Variants in LRRC3B observed in about 807,000 individuals in gnomAD.
LRRC3B encodes the protein leucine rich repeat containing 3B, also known as leucine-rich repeat-containing protein 3B.
Under a neutral mutation model 12.8 loss-of-function variants are expected in LRRC3B, and 2 were observed. The observed-to-expected ratio is 0.16, with a 90% CI of 0.06 to 0.49. The LOEUF is 0.49. LRRC3B is among the 20% of genes least tolerant of loss of function. The pLI is 0.96. For synonymous variants in LRRC3B, 132 were observed against 122.0 expected, an observed-to-expected ratio of 1.08 and a Z score of -0.54; for missense variants, 189 against 319.4, an observed-to-expected ratio of 0.59 and a Z score of 3.11.
chr3:26,655,272 C>T (rs1699350324), intron 1 of LRRC3B, among the ~76,000 whole-genome samples: 1 of 152,218 alleles, frequency 6.6e-6, no homozygotes, highest in African/African-American at 2.4e-5. Context: ...AAGAAATAAG[C>T]CTATAGTCAT....
chr3:26,671,054 C>T (rs1482658493), intron 1 of LRRC3B, among the ~76,000 whole-genome samples: 1 of 112,792 alleles, frequency 8.9e-6, no homozygotes, highest in Non-Finnish European at 1.6e-5. Flanking sequence ...CTCGCTCTGT[C>T]GCCCAGGCTG....
intron 1 of LRRC3B, among the ~76,000 whole-genome samples, chr3:26,657,466 A>T (rs1044936788): frequency 6.6e-6 from 1 of 152,330 alleles, no homozygotes; most frequent in South Asian, 2.1e-4. Context: ...GTCTCCTGGG[A>T]TGGAACATGG....
At chr3:26,710,376 A>C (rs1700721306) in exon 2 of LRRC3B, 1 of 1,613,908 alleles carries the variant, frequency 6.2e-7, no homozygotes, top group Non-Finnish European at 8.5e-7. Context: ...GCCCGGAGAC[A>C]CCTCGAATAC....
intron 1 of LRRC3B, among the ~76,000 whole-genome samples, chr3:26,699,669 C>G (rs1001231677): frequency 6.6e-5 from 10 of 152,166 alleles, no homozygotes; most frequent in African/African-American, 2.4e-4. Context: ...AGGAAGCTTT[C>G]AAGTTATCCT....
chr3:26,642,304 C>G lies in LRRC3B; in HGVS notation c.-161+19067C>G, dbSNP rs909804145. 1.3e-5 allele frequency among the ~76,000 whole-genome samples: 2 copies of G among 152,174 alleles called. 1 individual carries two copies. Among genetic ancestry groups the G allele is most frequent in the Non-Finnish European group, 2.9e-5 (2 of 68,032 alleles). ...GGATCTTAGGGACTTCCTGGAGTCC[C>G]TGGACCAAACTTTGAGAGCCACTGG... is the stretch of plus-strand genomic sequence containing the variant. On this transcript the variant is annotated intron_variant, in intron 1 of 1. Coordinates refer to ENST00000396641, the Ensembl canonical transcript of LRRC3B.
chr3:26,651,949 A>G (rs1046002292), intron 1 of LRRC3B, among the ~76,000 whole-genome samples: 1 of 152,192 alleles, frequency 6.6e-6, no homozygotes, highest in Non-Finnish European at 1.5e-5. Flanking sequence ...AAATGACATC[A>G]TATCTCATTG....
intron 1 of LRRC3B, among the ~76,000 whole-genome samples, chr3:26,646,628 A>C (rs1004258456): frequency 7.7e-6 from 1 of 130,238 alleles, no homozygotes; most frequent in African/African-American, 2.6e-5. Flanking sequence ...AAAAAAAAAA[A>C]AAAAAAAACG....
chr3:26,646,292 A>C (rs1028646960), intron 1 of LRRC3B, among the ~76,000 whole-genome samples: 1 of 152,172 alleles, frequency 6.6e-6, no homozygotes, highest in African/African-American at 2.4e-5. Context: ...ATCTGCTTTT[A>C]CTAATTCAAT....
At chr3:26,646,586 A>G (rs1699149136) in intron 1 of LRRC3B, among the ~76,000 whole-genome samples, 1 of 137,760 alleles carries the variant, frequency 7.3e-6, no homozygotes, top group African/African-American at 2.7e-5. Flanking sequence ...AGAGGCCACT[A>G]AGGATAGGAG....
chr3:26,683,914 G>A (rs923437353), intron 1 of LRRC3B, among the ~76,000 whole-genome samples: 2 of 152,168 alleles, frequency 1.3e-5, no homozygotes, highest in Non-Finnish European at 2.9e-5. Context: ...AGCTCTTTGG[G>A]TTCCTTTTTG....
chr3:26,634,919 T>C (rs538825195), intron 1 of LRRC3B, among the ~76,000 whole-genome samples: 3 of 152,340 alleles, frequency 2.0e-5, no homozygotes, highest in African/African-American at 7.2e-5. Flanking sequence ...GCTATTATAA[T>C]ACGTTGAATG....
chr3:26,643,577 A>G (rs948345135), intron 1 of LRRC3B, among the ~76,000 whole-genome samples: 2 of 152,190 alleles, frequency 1.3e-5, no homozygotes, highest in Middle Eastern at 3.4e-3. Flanking sequence ...TCTGGGATAT[A>G]CAGTAGGTGT....
chr3:26,641,300 A>G (rs9823501), intron 1 of LRRC3B, among the ~76,000 whole-genome samples: 128,561 of 152,138 alleles, frequency 0.85, 54,637 homozygotes, highest in East Asian at 0.99. Context: ...CACCCAGACT[A>G]GGAAACTGGG....
chr3:26,671,371 T>TAGAGAGAGAGAGAGAGAGAGAGAG (rs1207421811), intron 1 of LRRC3B, among the ~76,000 whole-genome samples: 12 of 35,958 alleles, frequency 3.3e-4, no homozygotes, highest in Non-Finnish European at 5.2e-4. Flanking sequence ...TATATATATA[T>TAGAGAGAGAGAGAGAGAGAGAGAG]ATAGAGAGAG....
chr3:26,694,937 A>G (rs1700273801), intron 1 of LRRC3B, among the ~76,000 whole-genome samples: 3 of 152,212 alleles, frequency 2.0e-5, no homozygotes, highest in Admixed American at 1.3e-4. Context: ...ATATAAGGTA[A>G]AAAGTAAAAA....
intron 1 of LRRC3B, chr3:26,701,181 A>T (rs904483769): frequency 6.6e-6 from 1 of 152,116 alleles, no homozygotes. Context: ...AAAACCCTGA[A>T]TTTCATTTAA....
At chr3:26,636,941 TCTTTC>T (rs1559350339) in intron 1 of LRRC3B, among the ~76,000 whole-genome samples, 2 of 114,638 alleles carry the variant, frequency 1.7e-5, no homozygotes, top group African/African-American at 7.9e-5. Flanking sequence ...TTTCTTTCTT[TCTTTC>T]TTTCTTTCTT....
chr3:26,668,475 GT>G (rs1315624501), intron 1 of LRRC3B, among the ~76,000 whole-genome samples: 1 of 152,126 alleles, frequency 6.6e-6, no homozygotes, highest in African/African-American at 2.4e-5. Flanking sequence ...CAGAAACTTA[GT>G]TTTTGTGGAA....
At chr3:26,672,891 C>T (rs73821178) in intron 1 of LRRC3B, among the ~76,000 whole-genome samples, 6,601 of 152,250 alleles carry the variant, frequency 0.043, 398 homozygotes, top group East Asian at 0.16. Context: ...ATATTTTTAA[C>T]ATTCCACCAG....
Sources: allele counts gnomAD v4.1 joint callset (sites outside exome capture counted in the v4.1 genomes callset), GRCh38; gene constraint gnomAD v4.1.1; transcripts MANE v1.5; gene names NCBI Gene and HGNC (gene_info 2026-07-23, HGNC 2026-07-21).